VEPH1: variants seen among roughly 807,000 people sequenced by gnomAD.
The protein encoded by VEPH1 is ventricular zone-expressed PH domain-containing protein homolog 1.
VEPH1 carries 80 observed loss-of-function variants against 85.2 expected under a neutral mutation model. The ratio of observed to expected loss-of-function variants is 0.94; its 90% confidence interval spans 0.78 to 1.13. The LOEUF (loss-of-function observed/expected upper bound fraction) is 1.13, where lower values mean the gene tolerates loss of function less well. Ranked by LOEUF, VEPH1 falls within the 50% of genes most tolerant of loss-of-function variation. The pLI is 0.00. For synonymous variants in VEPH1, 297 were observed against 348.0 expected (o/e 0.85, Z 1.63); for missense variants, 955 against 980.5 (o/e 0.97, Z 0.35).
At chr3:157,290,799 A>T (rs1258310732) in intron 11 of VEPH1, among the ~76,000 whole-genome samples, 1 of 152,214 alleles carries the variant, frequency 6.6e-6, no homozygotes, top group African/African-American at 2.4e-5. Flanking sequence ...CTAAGTGAGC[A>T]TTTCTCCGGT....
intron 12 of VEPH1, among the ~76,000 whole-genome samples, chr3:157,271,596 C>T (rs543088965): frequency 2.6e-5 from 4 of 152,250 alleles, no homozygotes; most frequent in South Asian, 2.1e-4. Context: ...TGTCGACCCT[C>T]GGTGTCCAAG....
chr3:157,398,591 G>A (rs904828025), intron 6 of VEPH1, among the ~76,000 whole-genome samples: 4 of 150,930 alleles, frequency 2.7e-5, no homozygotes, highest in Non-Finnish European at 5.9e-5. Context: ...CCAAGATCAC[G>A]CCACTGCATT....
chr3:157,327,023 G>T (rs1020603999), intron 9 of VEPH1, among the ~76,000 whole-genome samples: 2 of 152,162 alleles, frequency 1.3e-5, no homozygotes, highest in Non-Finnish European at 2.9e-5. Context: ...GTGTGGCTCT[G>T]CACAGTAGAC....
chr3:157,470,339 G>C lies in VEPH1; in HGVS notation c.329C>G (p.Ser110Cys). Residue 110 changes from serine (S) to cysteine (C), a missense_variant, in exon 3 of 14, where the codon TCT (serine) becomes TGT (cysteine). By Grantham distance (112) the Ser-to-Cys change is moderately radical (BLOSUM62 -1). Coordinates refer to ENST00000362010, the MANE Select transcript of VEPH1 (RefSeq NM_001167912.2). ...CTGTAAAATGCAACTCATGATATCA[G>C]ATGCGATTTTTGCATGAGGAGTGTC... The part of the protein sequence containing the change: ...DEDTPHAKIA[S>C]DIMSCILQNY... 1 of 1,614,118 alleles carries C rather than the reference G, an allele frequency of 6.2e-7. No homozygotes were observed. The highest frequency in any genetic ancestry group is 8.5e-7 in the Non-Finnish European group (1 of 1,180,030).
intron 6 of VEPH1, among the ~76,000 whole-genome samples, chr3:157,397,243 A>G: frequency 6.6e-6 from 1 of 152,030 alleles, no homozygotes; most frequent in East Asian, 1.9e-4. Context: ...ATGGTTGTAG[A>G]TGCGTGGTCT....
chr3:157,437,684 G>A lies in VEPH1; in HGVS notation c.530-9196C>T, dbSNP rs770757876. 6.1e-5 allele frequency: 93 copies of A among 1,534,652 alleles called. No individual in the cohort carries two copies. In the East Asian group the frequency reaches 2.2e-3, roughly 36 times the overall value. On this transcript the variant is annotated intron_variant, in intron 4 of 13. Coordinates refer to ENST00000362010, the MANE Select transcript of VEPH1 (RefSeq NM_001167912.2). ...GGCCGGCTCGCGGAAAGCCTGGCGA[G>A]GCCGTGCGCGCCGGGGGCTCCCGCA...
In VEPH1 at chr3:157,261,114, C is replaced by T. The variant is rs1178642209; in HGVS notation, c.*20G>A. 3.1e-6 allele frequency: 5 copies of T among 1,594,866 alleles called. No individual in the cohort carries two copies. The highest frequency in any genetic ancestry group is 1.1e-5 in the South Asian group (1 of 90,264). On this transcript the variant is annotated 3_prime_UTR_variant, in exon 14 of 14. Transcript: ENST00000362010. ...TACAATGCCTGTGGTGTATAATTGT[C>T]ATGGCTGACTTATAAATCCCTACAG...
At chr3:157,394,797 A>G (rs1490520210) in intron 6 of VEPH1, among the ~76,000 whole-genome samples, 6 of 152,118 alleles carry the variant, frequency 3.9e-5, no homozygotes, top group Non-Finnish European at 8.8e-5. Context: ...TGGGAATATG[A>G]AGCAAAAATG....
At chr3:157,434,460 T>C (rs1347041070) in intron 4 of VEPH1, among the ~76,000 whole-genome samples, 4 of 152,080 alleles carry the variant, frequency 2.6e-5, no homozygotes, top group African/African-American at 4.8e-5. Context: ...TACAGGTGCA[T>C]ATCACCACAC....
At chr3:157,409,088 C>A (rs1406287095) in intron 6 of VEPH1, among the ~76,000 whole-genome samples, 1 of 151,658 alleles carries the variant, frequency 6.6e-6, no homozygotes, top group Non-Finnish European at 1.5e-5. Context: ...TAGTTGAAAT[C>A]CATCAAGCAT....
At chr3:157,495,173 G>A in intron 2 of VEPH1, 39 bp downstream of exon 2, 1 of 1,595,842 alleles carries the variant, frequency 6.3e-7, no homozygotes, top group African/African-American at 1.3e-5. Flanking sequence ...TCTAGGACAG[G>A]CCATTTCAGA....
In VEPH1 at chr3:157,362,199, T is replaced by G. The variant is rs534383861; in HGVS notation, c.1735+1165A>C. ...GCGTCAGCCACCATGGCCTGCTAAT[T>G]TCTGTATTTGCAGTAGAGACGGGGT... On this transcript the variant is annotated intron_variant, in intron 9 of 13. Coordinates refer to ENST00000362010, the MANE Select transcript of VEPH1 (RefSeq NM_001167912.2). Among the ~76,000 whole-genome samples the G allele has an allele frequency of 1.1e-4, 17 of 152,022 alleles. 1 individual carries two copies. Among genetic ancestry groups the G allele is most frequent in the Admixed American group, 1.0e-3 (16 of 15,276 alleles).
chr3:157,429,485 C>T (rs530788908), intron 4 of VEPH1, among the ~76,000 whole-genome samples: 2 of 152,086 alleles, frequency 1.3e-5, no homozygotes, highest in South Asian at 2.1e-4. Context: ...TTAACGAAAG[C>T]GTGATTCTGG....
At chr3:157,305,214 A>C (rs1445693889) in intron 11 of VEPH1, among the ~76,000 whole-genome samples, 2 of 136,748 alleles carry the variant, frequency 1.5e-5, no homozygotes, top group African/African-American at 5.6e-5. Flanking sequence ...GGTTCACGCC[A>C]TTCTCCTGCC....
chr3:157,439,327 T>C (rs1733927664), intron 4 of VEPH1, among the ~76,000 whole-genome samples: 1 of 152,274 alleles, frequency 6.6e-6, no homozygotes, highest in Non-Finnish European at 1.5e-5. Context: ...AAGATGTTAA[T>C]CCTTATTACA....
At chr3:157,457,990 G>A (rs1285286695) in intron 4 of VEPH1, among the ~76,000 whole-genome samples, 4 of 152,096 alleles carry the variant, frequency 2.6e-5, no homozygotes, top group Non-Finnish European at 5.9e-5. Context: ...AATCTGTCTG[G>A]TCCCAAGCTT....
At position 157,487,147 on chromosome 3, in the gene VEPH1, A is replaced by G. The variant is rs1738726611; in HGVS notation, c.138+8065T>C. Among the ~76,000 whole-genome samples the G allele has an allele frequency of 2.0e-5, 3 of 152,220 alleles. No homozygotes were observed. The South Asian group carries it at 6.2e-4, about 32-fold the overall frequency. ...GCAGAATAAAGCTACAGAAAGTACAAAAAGTAAAGTAGTAAAGACTTAAAA... is the reference window on the plus strand; with the variant it reads ...GCAGAATAAAGCTACAGAAAGTACAGAAAGTAAAGTAGTAAAGACTTAAAA... On this transcript the variant is annotated intron_variant, in intron 2 of 13. Transcript: ENST00000362010.
At chr3:157,294,575 G>C (rs991992608) in intron 11 of VEPH1, among the ~76,000 whole-genome samples, 11 of 152,200 alleles carry the variant, frequency 7.2e-5, no homozygotes, top group African/African-American at 2.7e-4. Context: ...TGGGCACCAA[G>C]GGTGCCCCCA....
At chr3:157,316,153 T>G (rs1458881756) in intron 10 of VEPH1, 1 of 152,112 alleles carries the variant, frequency 6.6e-6, no homozygotes, top group Non-Finnish European at 1.5e-5. Context: ...CCCAATAAGC[T>G]TGACTTTATC....
Sources: allele counts gnomAD v4.1 joint callset (sites outside exome capture counted in the v4.1 genomes callset), GRCh38; gene constraint gnomAD v4.1.1; transcripts MANE v1.5; gene names NCBI Gene and HGNC (gene_info 2026-07-23, HGNC 2026-07-21).